The following MEIKIN variants were observed in gnomAD, a reference collection of about 807,000 sequenced individuals.
The protein encoded by MEIKIN is meiosis-specific kinetochore protein.
chr5:131,895,474 T>G (rs1429136970), intron 8 of MEIKIN, among the ~76,000 whole-genome samples: 1 of 152,176 alleles, frequency 6.6e-6, no homozygotes, highest in South Asian at 2.1e-4. Flanking sequence ...TACCAGCTCC[T>G]CTTTGTACCT....
chr5:131,863,575 T>TTC, intron 9 of MEIKIN, among the ~76,000 whole-genome samples: 2 of 149,102 alleles, frequency 1.3e-5, no homozygotes, highest in African/African-American at 5.0e-5. Context: ...TTTTTTTTTT[T>TTC]TTTTTTTTAC....
chr5:131,815,237 A>T (rs1773081081), intron 12 of MEIKIN, among the ~76,000 whole-genome samples: 1 of 152,216 alleles, frequency 6.6e-6, no homozygotes, highest in Admixed American at 6.5e-5. Context: ...ATGCTAAAGA[A>T]GCTGGCCTAA....
chr5:131,872,915 G>A (rs1367243084), intron 9 of MEIKIN, among the ~76,000 whole-genome samples: 1 of 152,188 alleles, frequency 6.6e-6, no homozygotes, highest in Non-Finnish European at 1.5e-5. Flanking sequence ...ATAAGTGAAG[G>A]AGAAATAAAA....
chr5:131,914,380 T>A, intron 7 of MEIKIN, among the ~76,000 whole-genome samples: 1 of 88,156 alleles, frequency 1.1e-5, no homozygotes. Flanking sequence ...TAAGACTCTG[T>A]CTCAAAAAAA....
In MEIKIN at chr5:131,927,864, G is replaced by T. The variant is rs925177873; in HGVS notation, c.478+5649C>A. Among the ~76,000 whole-genome samples, 11 of 152,086 alleles carry T rather than the reference G, an allele frequency of 7.2e-5. No homozygotes were observed. The South Asian group carries it at 1.0e-3, about 14-fold the overall frequency. On this transcript the variant is annotated intron_variant, in intron 5 of 12. Transcript: ENST00000442687. ...TGTATCCTTAAATCTAAAGAGGATC[G>T]GCCGGGCGCGGTGGCTCACGCCTGT...
intron 8 of MEIKIN, among the ~76,000 whole-genome samples, chr5:131,900,916 C>T (rs573209419): frequency 8.9e-4 from 135 of 152,290 alleles, no homozygotes; most frequent in African/African-American, 3.2e-3. Context: ...TGCGGCTTTG[C>T]CTGCACACAT....
intron 9 of MEIKIN, among the ~76,000 whole-genome samples, chr5:131,857,193 G>T (rs181617325): frequency 5.9e-4 from 89 of 151,964 alleles, no homozygotes; most frequent in Middle Eastern, 3.4e-3. Context: ...TCATAATCAA[G>T]AAATACATTT....
At chr5:131,870,967 T>A (rs1483487973) in intron 9 of MEIKIN, among the ~76,000 whole-genome samples, 1 of 152,102 alleles carries the variant, frequency 6.6e-6, no homozygotes, top group Non-Finnish European at 1.5e-5. Flanking sequence ...AAGAAACTGA[T>A]GAAAATCTAA....
At chr5:131,826,718 T>TA (rs1235660853) in intron 11 of MEIKIN, among the ~76,000 whole-genome samples, 1 of 152,122 alleles carries the variant, frequency 6.6e-6, no homozygotes, top group Non-Finnish European at 1.5e-5. Flanking sequence ...ATTTGGTTGA[T>TA]ACGTGTGTGG....
chr5:131,914,057 C>A (rs924803258), intron 7 of MEIKIN, among the ~76,000 whole-genome samples: 1 of 152,066 alleles, frequency 6.6e-6, no homozygotes, highest in Non-Finnish European at 1.5e-5. Flanking sequence ...GGGAATGGTA[C>A]GATTGGCTTT....
At chr5:131,943,299 T>C (rs901817743) in intron 3 of MEIKIN, among the ~76,000 whole-genome samples, 1 of 152,120 alleles carries the variant, frequency 6.6e-6, no homozygotes, top group Non-Finnish European at 1.5e-5. Flanking sequence ...TACACACACA[T>C]ATATATAAAA....
At chr5:131,843,911 T>C (rs963956389) in intron 11 of MEIKIN, among the ~76,000 whole-genome samples, 2 of 152,166 alleles carry the variant, frequency 1.3e-5, no homozygotes, top group African/African-American at 4.8e-5. Flanking sequence ...GTTCTCACAT[T>C]GCTATAAATA....
rs1580857254 is a variant in MEIKIN at position 131,818,601 on chromosome 5, T to C, written c.1099+139A>G. 1.4e-5 allele frequency: 5 copies of C among 352,372 alleles called. No homozygotes were observed. The East Asian group carries it at 2.0e-4, about 14-fold the overall frequency. The allele number at this position is 352,372 out of a possible 1,614,324, so 21.8% of individuals were successfully genotyped here. A position where few individuals can be genotyped will look rare whatever the true frequency, so the allele number is the denominator to read the frequency against. On this transcript the variant is annotated intron_variant, in intron 12 of 12. Transcript: ENST00000442687. ...GAGTCCACCCCTGACCAGGCTTTTA[T>C]AATTTTACCATTTCCACTTTCTGCA... is the stretch of plus-strand genomic sequence containing the variant.
At chr5:131,912,962 G>A (rs1751353488) in intron 7 of MEIKIN, among the ~76,000 whole-genome samples, 2 of 152,198 alleles carry the variant, frequency 1.3e-5, no homozygotes, top group African/African-American at 4.8e-5. Flanking sequence ...TCCTCTGGCA[G>A]TGAATTATAG....
chr5:131,857,866 G>A (rs1220281660), intron 9 of MEIKIN, among the ~76,000 whole-genome samples: 3 of 152,114 alleles, frequency 2.0e-5, no homozygotes, highest in Admixed American at 6.5e-5. Flanking sequence ...CCCTGCCACC[G>A]CTAATGTGCG....
chr5:131,897,116 G>C (rs901125666), intron 8 of MEIKIN, among the ~76,000 whole-genome samples: 2 of 152,178 alleles, frequency 1.3e-5, no homozygotes, highest in Non-Finnish European at 2.9e-5. Context: ...TGTCTGGAAA[G>C]GATTTTATTT....
At chr5:131,858,772 A>C (rs1376697968) in intron 9 of MEIKIN, among the ~76,000 whole-genome samples, 1 of 152,240 alleles carries the variant, frequency 6.6e-6, no homozygotes, top group Non-Finnish European at 1.5e-5. Flanking sequence ...GGGCAAAGGC[A>C]TAAACAGACA....
At chr5:131,831,747 G>A (rs1427118749) in intron 11 of MEIKIN, among the ~76,000 whole-genome samples, 4 of 152,148 alleles carry the variant, frequency 2.6e-5, no homozygotes, top group African/African-American at 4.8e-5. Flanking sequence ...GGCTGGGGAG[G>A]CCTCAGAATC....
chr5:131,883,124 A>T (rs1414036511), intron 8 of MEIKIN, among the ~76,000 whole-genome samples: 2 of 152,188 alleles, frequency 1.3e-5, no homozygotes, highest in African/African-American at 4.8e-5. Flanking sequence ...TAACTAAAAC[A>T]GTTTATGCCA....
Sources: gnomAD v4.1 joint callset for allele counts (sites outside exome capture counted in the v4.1 genomes callset) on GRCh38, gnomAD v4.1.1 for gene constraint, MANE v1.5 for transcripts, NCBI Gene and HGNC (gene_info 2026-07-23, HGNC 2026-07-21) for gene names.